Variants in DPP10 observed in about 807,000 individuals in gnomAD.
DPP10 encodes the protein inactive dipeptidyl peptidase 10.
Under a neutral mutation model 120.9 loss-of-function variants are expected in DPP10, and 33 were observed. The ratio of observed to expected loss-of-function variants is 0.27; its 90% CI spans 0.21 to 0.37. The LOEUF (loss-of-function observed/expected upper bound fraction) is 0.37, where lower values mean the gene tolerates loss of function less well. Ranked by LOEUF, DPP10 falls within the 10% of genes least tolerant of loss-of-function variation. DPP10 has a pLI of 1.00. For missense variants in DPP10, 816 were observed against 942.8 expected, an observed-to-expected ratio of 0.87 and a Z score of 1.76; for synonymous variants, 337 against 326.1, an observed-to-expected ratio of 1.03 and a Z score of -0.36.
chr2:115,664,824 C>T (rs1224422533), intron 5 of DPP10, among the ~76,000 whole-genome samples: 2 of 151,464 alleles, frequency 1.3e-5, no homozygotes, highest in Non-Finnish European at 3.0e-5. Context: ...TAAAAATGCT[C>T]AAACCCCATG....
chr2:115,162,120 C>T, intron 1 of DPP10: 1 of 1,517,430 alleles, frequency 6.6e-7, no homozygotes, highest in Non-Finnish European at 8.8e-7. Context: ...TGGGCTCCCG[C>T]GCCTCCCTCT....
chr2:114,985,689 T>C (rs2104888342), intron 1 of DPP10, among the ~76,000 whole-genome samples: 1 of 152,296 alleles, frequency 6.6e-6, no homozygotes, highest in East Asian at 1.9e-4. Context: ...CTGGACGCAG[T>C]CACATTGGGG....
At chr2:115,616,232 T>C (rs2084484619) in intron 5 of DPP10, among the ~76,000 whole-genome samples, 1 of 152,044 alleles carries the variant, frequency 6.6e-6, no homozygotes, top group Non-Finnish European at 1.5e-5. Flanking sequence ...TGTCAGTAAA[T>C]AAATATTCAC....
rs1445191460 is a variant in DPP10, at chr2:114,624,257, T to C, written c.60+181419T>C. The stretch of plus-strand genomic sequence containing the variant: ...GTGGGTGGCCTCTCTAGGGAGAGAC[T>C]GATGGGTCAAAATTCTAGAGCCACA... On this transcript the variant is annotated intron_variant, in intron 1 of 25. Coordinates refer to ENST00000410059, the MANE Select transcript of DPP10 (RefSeq NM_020868.6). Among the ~76,000 whole-genome samples the C allele has an allele frequency of 2.0e-5, 3 of 151,910 alleles. No homozygotes were observed. In the East Asian group the frequency reaches 5.8e-4, roughly 29 times the overall value.
chr2:114,940,234 A>G (rs896099558), intron 1 of DPP10, among the ~76,000 whole-genome samples: 2 of 152,146 alleles, frequency 1.3e-5, no homozygotes, highest in African/African-American at 4.8e-5. Context: ...TAACTGTAAC[A>G]CTGTGAAACT....
chr2:114,987,012 T>C (rs1249641983), intron 1 of DPP10, among the ~76,000 whole-genome samples: 2 of 152,090 alleles, frequency 1.3e-5, no homozygotes, highest in African/African-American at 4.8e-5. Flanking sequence ...ACTCCTGACC[T>C]CAAGTGATCC....
In DPP10 at chr2:114,481,502, C is replaced by T. The variant is rs138101148; in HGVS notation, c.60+38664C>T. Among the ~76,000 whole-genome samples the T allele has an allele frequency of 1.4e-3, 219 of 152,186 alleles. 1 individual carries two copies. The highest frequency in any genetic ancestry group is 5.1e-3 in the African/African-American group (212 of 41,538). ...AGAGGTACAGCCACCATATAACTAGCAATTGTACTCTTTGGCATTTATCCC... is the reference window on the plus strand; with the variant it reads ...AGAGGTACAGCCACCATATAACTAGTAATTGTACTCTTTGGCATTTATCCC... On this transcript the variant is annotated intron_variant, in intron 1 of 25. Coordinates refer to ENST00000410059, the MANE Select transcript of DPP10 (RefSeq NM_020868.6).
chr2:114,865,058 T>G (rs1309812115), intron 1 of DPP10, among the ~76,000 whole-genome samples: 1 of 152,254 alleles, frequency 6.6e-6, no homozygotes, highest in Non-Finnish European at 1.5e-5. Flanking sequence ...GGGCACGTTT[T>G]ACATTTATTC....
intron 5 of DPP10, among the ~76,000 whole-genome samples, chr2:115,654,752 A>G (rs2088133477): frequency 6.6e-6 from 1 of 151,822 alleles, no homozygotes; most frequent in Non-Finnish European, 1.5e-5. Flanking sequence ...TTATAAACCA[A>G]TCAATATCTC....
intron 1 of DPP10, among the ~76,000 whole-genome samples, chr2:114,723,994 G>A (rs1701880446): frequency 6.6e-6 from 1 of 152,088 alleles, no homozygotes; most frequent in Admixed American, 6.5e-5. Flanking sequence ...CATTATAATG[G>A]GATCTTGGCC....
chr2:115,142,952 T>G (rs2051010266), intron 1 of DPP10, among the ~76,000 whole-genome samples: 1 of 152,150 alleles, frequency 6.6e-6, no homozygotes, highest in African/African-American at 2.4e-5. Context: ...GTTTGGGGGC[T>G]AGATCTTGTA....
chr2:115,816,039 A>G (rs947086047), intron 21 of DPP10, among the ~76,000 whole-genome samples: 1 of 151,996 alleles, frequency 6.6e-6, no homozygotes, highest in Non-Finnish European at 1.5e-5. Flanking sequence ...AAAATAACAT[A>G]ATTAGTATTA....
chr2:115,095,588 T>TTG (rs1709666995), intron 1 of DPP10, among the ~76,000 whole-genome samples: 1 of 137,886 alleles, frequency 7.3e-6, no homozygotes, highest in Non-Finnish European at 1.5e-5. Context: ...TTTTTTTGTT[T>TTG]TTTTTTTTTG....
intron 1 of DPP10, among the ~76,000 whole-genome samples, chr2:115,288,922 C>T (rs1314748211): frequency 5.3e-5 from 8 of 152,160 alleles, no homozygotes; most frequent in Non-Finnish European, 1.0e-4. Flanking sequence ...CTATTCAACA[C>T]AGTACTGGAA....
chr2:114,775,705 G>A (rs1681664903), intron 1 of DPP10, among the ~76,000 whole-genome samples: 1 of 152,114 alleles, frequency 6.6e-6, no homozygotes, highest in African/African-American at 2.4e-5. Context: ...GGTGAGTCAG[G>A]AAACATTCAC....
At chr2:115,161,724 GGCGGGGAGA>G (rs1169204958) in intron 1 of DPP10, 3 of 393,382 alleles carry the variant, frequency 7.6e-6, no homozygotes, top group Non-Finnish European at 1.3e-5. Flanking sequence ...GGTGGCGGGG[GGCGGGGAGA>G]GCGGGGAGTC....
chr2:115,180,900 C>T (rs1260708307), intron 1 of DPP10, among the ~76,000 whole-genome samples: 1 of 50,830 alleles, frequency 2.0e-5, no homozygotes, highest in East Asian at 6.1e-4. Flanking sequence ...CTCTCTCCCT[C>T]CCTCCATGCC....
chr2:115,769,612 T>C (rs1233259577), intron 13 of DPP10, among the ~76,000 whole-genome samples: 1 of 152,026 alleles, frequency 6.6e-6, no homozygotes, highest in Non-Finnish European at 1.5e-5. Flanking sequence ...TATAAACTAA[T>C]GTATAATGTG....
At chr2:114,623,664 C>G (rs1000554982) in intron 1 of DPP10, among the ~76,000 whole-genome samples, 11 of 151,970 alleles carry the variant, frequency 7.2e-5, no homozygotes, top group African/African-American at 2.4e-4. Context: ...CAAATAACAG[C>G]CTCATGGCAA....
Sources: gnomAD v4.1 joint callset for allele counts (sites outside exome capture counted in the v4.1 genomes callset) on GRCh38, gnomAD v4.1.1 for gene constraint, MANE v1.5 for transcripts, NCBI Gene and HGNC (gene_info 2026-07-23, HGNC 2026-07-21) for gene names.